CCDC141: variants seen among roughly 807,000 people sequenced by gnomAD.
The protein encoded by CCDC141 is coiled-coil domain containing 141.
CCDC141 carries 168 observed loss-of-function variants against 181.0 expected under a neutral mutation model. The observed-to-expected ratio is 0.93, with a 90% confidence interval of 0.82 to 1.05. The LOEUF is 1.05. CCDC141 is among the 50% of genes least tolerant of loss of function. The pLI, the probability that CCDC141 is intolerant of heterozygous loss-of-function variation, is 0.00. For missense variants in CCDC141, 1,902 were observed against 1,788.5 expected, an observed-to-expected ratio of 1.06 and a Z score of -1.14; for synonymous variants, 666 against 642.3, an observed-to-expected ratio of 1.04 and a Z score of -0.56.
chr2:178,871,279 T>A, intron 14 of CCDC141, 148 bp downstream of exon 14: 1 of 863,048 alleles, frequency 1.2e-6, no homozygotes, highest in Non-Finnish European at 1.8e-6. Context: ...GTAAGAAAAA[T>A]GTCTCTACAG....
At chr2:178,991,057 T>C (rs143006859) in intron 2 of CCDC141, among the ~76,000 whole-genome samples, 713 of 152,300 alleles carry the variant, frequency 4.7e-3, no homozygotes, top group African/African-American at 0.016. Context: ...GAAACCAGTT[T>C]TAGCTATTGG....
chr2:178,819,856 T>C, the CCDC141 span, among the ~76,000 whole-genome samples: 2 of 152,172 alleles, frequency 1.3e-5, no homozygotes, highest in African/African-American at 2.4e-5. Context: ...TTAATACATA[T>C]ACAGATATCT....
intron 9 of CCDC141, among the ~76,000 whole-genome samples, chr2:178,888,325 G>A (rs1044644398): frequency 2.0e-5 from 3 of 152,112 alleles, no homozygotes; most frequent in Non-Finnish European, 4.4e-5. Flanking sequence ...GGCCAGAGGC[G>A]CAGACAGGCC....
rs761952262 is a variant in CCDC141 at position 178,865,752 on chromosome 2, C to T, written c.2724+15G>A. 6.8e-7 allele frequency: 1 copy of T among 1,464,172 alleles called. No individual in the cohort carries two copies. The highest frequency in any genetic ancestry group is 9.1e-7 in the Non-Finnish European group (1 of 1,101,502). 90.7% of individuals were successfully genotyped at this position (1,464,172 alleles called of 1,614,324 possible). A position where few individuals can be genotyped will look rare whatever the true frequency, so the allele number is the denominator to read the frequency against. ...TTTTTGGCAATGTGCCAGTTCTCAC[C>T]CCTCCCACACCCACCTCATTTATCT... is the stretch of plus-strand genomic sequence containing the variant. On this transcript the variant is annotated intron_variant, in intron 17 of 23. Transcript: ENST00000443758.
At chr2:178,969,962 G>C (rs576734616) in intron 4 of CCDC141, among the ~76,000 whole-genome samples, 1 of 152,120 alleles carries the variant, frequency 6.6e-6, no homozygotes, top group Admixed American at 6.5e-5. Context: ...AAAATCACAA[G>C]CATTCCTATA....
chr2:178,984,738 A>ATT (rs1395571389), intron 2 of CCDC141, among the ~76,000 whole-genome samples: 150 of 151,442 alleles, frequency 9.9e-4, no homozygotes, highest in African/African-American at 3.6e-3. Flanking sequence ...CATAATGGTA[A>ATT]AGGGATCAAT....
chr2:179,019,017 C>T (rs1012180744), intron 2 of CCDC141, among the ~76,000 whole-genome samples: 1 of 152,126 alleles, frequency 6.6e-6, no homozygotes, highest in Admixed American at 6.6e-5. Context: ...AAAAGCCAGA[C>T]CATGGCCCTC....
At chr2:178,903,366 A>G (rs1687798555) in intron 8 of CCDC141, among the ~76,000 whole-genome samples, 1 of 152,116 alleles carries the variant, frequency 6.6e-6, no homozygotes, top group South Asian at 2.1e-4. Flanking sequence ...TGAAATGTCC[A>G]ACAATGATAG....
intron 2 of CCDC141, among the ~76,000 whole-genome samples, chr2:179,045,582 G>T (rs1319403578): frequency 6.6e-6 from 1 of 151,604 alleles, no homozygotes; most frequent in Non-Finnish European, 1.5e-5. Context: ...CTGAGGAGTC[G>T]CCACGCTGAC....
chr2:179,013,480 G>T (rs111296618), intron 2 of CCDC141, among the ~76,000 whole-genome samples: 1 of 151,990 alleles, frequency 6.6e-6, no homozygotes, highest in Non-Finnish European at 1.5e-5. Context: ...TGAACAAATG[G>T]ACACACATCC....
At chr2:178,871,319 TA>T in intron 14 of CCDC141, 107 bp downstream of exon 14, 1 of 1,312,150 alleles carries the variant, frequency 7.6e-7, no homozygotes. Flanking sequence ...TACTTTTGTT[TA>T]AAAAAATAGA....
chr2:178,823,992 T>G, the CCDC141 span, among the ~76,000 whole-genome samples: 2 of 151,764 alleles, frequency 1.3e-5, no homozygotes, highest in African/African-American at 4.8e-5. Flanking sequence ...TTTTCTAACC[T>G]GATCACATCA....
At chr2:178,945,851 G>A (rs1031154795) in intron 5 of CCDC141, among the ~76,000 whole-genome samples, 18 of 77,928 alleles carry the variant, frequency 2.3e-4, no homozygotes, top group Middle Eastern at 6.0e-3. Context: ...TGACACATGC[G>A]TGCACACACA....
At chr2:178,956,091 G>T (rs887324059) in intron 5 of CCDC141, among the ~76,000 whole-genome samples, 7 of 152,226 alleles carry the variant, frequency 4.6e-5, no homozygotes, top group African/African-American at 1.7e-4. Context: ...GAGCCTCAGG[G>T]AAGTTAAATA....
chr2:178,930,875 A>C (rs1291200738), intron 6 of CCDC141, among the ~76,000 whole-genome samples: 2 of 152,178 alleles, frequency 1.3e-5, no homozygotes, highest in Non-Finnish European at 2.9e-5. Context: ...ATAAGGGATA[A>C]ATTTTCATAA....
In CCDC141 at chr2:178,981,671, CAT is replaced by C. The variant is rs199892457; in HGVS notation, c.226-2998_226-2997del. The stretch of plus-strand genomic sequence containing the variant: ...ATATATATATATACATACATATATA[CAT>C]ATATATATATAGAGAGAGAGAGAGA... On this transcript the variant is annotated intron_variant, in intron 2 of 23. Transcript: ENST00000443758. Among the ~76,000 whole-genome samples the C allele has an allele frequency of 1.0e-3, 114 of 111,754 alleles. 1 individual carries two copies. The highest frequency in any genetic ancestry group is 1.5e-3 in the Non-Finnish European group (84 of 56,206). The allele number at this position is 111,754 out of a possible 152,430, so 73.3% of individuals were successfully genotyped here.
intron 6 of CCDC141, among the ~76,000 whole-genome samples, chr2:178,941,955 T>C (rs1269794343): frequency 7.7e-5 from 4 of 51,870 alleles, no homozygotes; most frequent in African/African-American, 1.9e-4. Context: ...AGAGATCCCA[T>C]CTCAAAAAAA....
At chr2:178,928,409 A>T (rs1688985557) in intron 6 of CCDC141, among the ~76,000 whole-genome samples, 2 of 152,232 alleles carry the variant, frequency 1.3e-5, no homozygotes, top group Non-Finnish European at 2.9e-5. Context: ...GACTGTGTTA[A>T]GGTATAAGAA....
chr2:178,986,167 C>G (rs538463214), intron 2 of CCDC141, among the ~76,000 whole-genome samples: 180 of 152,236 alleles, frequency 1.2e-3, no homozygotes, highest in Non-Finnish European at 2.1e-3. Context: ...TCAATATACG[C>G]AAATCAATAA....
Sources: gnomAD v4.1 joint callset for allele counts (sites outside exome capture counted in the v4.1 genomes callset) on GRCh38, gnomAD v4.1.1 for gene constraint, MANE v1.5 for transcripts, NCBI Gene and HGNC (gene_info 2026-07-23, HGNC 2026-07-21) for gene names.